MYH14: variants seen among roughly 807,000 people sequenced by gnomAD.
The protein encoded by MYH14 is myosin-14.
Under a neutral mutation model 255.5 loss-of-function variants are expected in MYH14, and 123 were observed. That is an observed-to-expected ratio of 0.48 (90% CI 0.42 to 0.56). MYH14 has a LOEUF of 0.56. MYH14 is among the 20% of genes least tolerant of loss of function. The probability of loss-of-function intolerance (pLI) is 0.00; values close to 1 mark genes in which losing one functional copy is unlikely to be tolerated. For missense variants in MYH14, 2,423 were observed against 2,802.3 expected (o/e 0.86, Z 3.06); for synonymous variants, 1,095 against 1,161.2 (o/e 0.94, Z 1.16).
Position 50,263,335 on chromosome 19 carries a change from AG to A in MYH14, c.2610del (p.Gln870HisfsTer5). On this transcript the variant is annotated frameshift_variant, in exon 22 of 43. Coordinates refer to ENST00000642316, the MANE Select transcript of MYH14 (RefSeq NM_001145809.2). LOFTEE classifies it high-confidence loss of function. ...AGGGCCTTCCAGAAGCGCCAGCAGC[AG>A]CAGAGCGCCCTGAGGGTGATGCAGC... Reference protein sequence around the residue: ...ARRAFQKRQQQQSALRVMQRN... With the variant: ...ARRAFQKRQQXQSALRVMQRN... 1 of 1,577,472 alleles carries A rather than the reference AG, an allele frequency of 6.3e-7. No individual in the cohort carries two copies. The highest frequency in any genetic ancestry group is 8.6e-7 in the Non-Finnish European group (1 of 1,161,578).
chr19:50,252,916 A>G lies in MYH14; in HGVS notation c.1945+163A>G, dbSNP rs888322442. 1.3e-5 allele frequency among the ~76,000 whole-genome samples: 2 copies of G among 152,224 alleles called. No individual in the cohort carries two copies. Among genetic ancestry groups the G allele is most frequent in the Non-Finnish European group, 2.9e-5 (2 of 68,036 alleles). The stretch of plus-strand genomic sequence containing the variant: ...AAATAGTATTTCAAATCAGTGATGG[A>G]TGGATCCATAGATTAATTGATTGAC... On this transcript the variant is annotated intron_variant, in intron 16 of 42. Transcript: ENST00000642316. The surrounding 1 kb of genome is among the most constrained non-coding windows in gnomAD (Gnocchi z 4.2).
chr19:50,309,327 G>C, intron 42 of MYH14, 150 bp downstream of exon 42: 1 of 776,848 alleles, frequency 1.3e-6, no homozygotes, highest in Non-Finnish European at 2.2e-6. Flanking sequence ...TGTTGCGGGA[G>C]AGCCAAATCC....
intron 40 of MYH14, 106 bp from the exon 41 acceptor site, chr19:50,306,943 G>T (rs1601077511): frequency 2.4e-6 from 2 of 825,848 alleles, no homozygotes; most frequent in Non-Finnish European, 4.0e-6. Flanking sequence ...AGGAAAGAGG[G>T]AAGAAGCCAA....
In MYH14 at chr19:50,309,206, G is replaced by A. The variant is rs373911272; in HGVS notation, c.5960+29G>A. ...TGGTCATCCCACGTACAGGCCTGACGGGTGGGGAGCACCCTAACTCCATAA... is the reference window on the plus strand; with the variant it reads ...TGGTCATCCCACGTACAGGCCTGACAGGTGGGGAGCACCCTAACTCCATAA... On this transcript the variant is annotated intron_variant, in intron 42 of 42. Transcript: ENST00000642316. 1.8e-5 allele frequency: 29 copies of A among 1,609,586 alleles called. No homozygotes were observed. In the African/African-American group the frequency reaches 2.4e-4, roughly 13 times the overall value.
In MYH14 at chr19:50,301,867, C is replaced by G. The variant is rs1225321687; in HGVS notation, c.5676C>G (p.Thr1892=). ...CTGAGGAGCAGCTAGAGCAAGAGACCAGGTAGGTGAGAGCGGAGGCCACAG... is the reference window on the plus strand; with the variant it reads ...CTGAGGAGCAGCTAGAGCAAGAGACGAGGTAGGTGAGAGCGGAGGCCACAG... ...AQAEEQLEQE[T]RERILSGKLV... Residue 1892 remains threonine (T), a splice_region_variant and synonymous_variant, in exon 40 of 43, where the codon ACC becomes ACG. Coordinates refer to ENST00000642316, the MANE Select transcript of MYH14 (RefSeq NM_001145809.2). 1 of 1,610,106 alleles carries G rather than the reference C, an allele frequency of 6.2e-7. No individual in the cohort carries two copies. Among genetic ancestry groups the G allele is most frequent in the South Asian group, 1.1e-5 (1 of 90,512 alleles).
chr19:50,303,512 C>A (rs1317580744), intron 40 of MYH14, among the ~76,000 whole-genome samples: 1 of 152,150 alleles, frequency 6.6e-6, no homozygotes, highest in South Asian at 2.1e-4. Flanking sequence ...GTCACTCAGC[C>A]CGCTCAGATT....
In MYH14 at chr19:50,255,310, C is replaced by T. The variant is rs1209167575; in HGVS notation, c.2036C>T (p.Pro679Leu). Reference protein sequence around the residue: ...SAERCSSAISPPGVEGIVGLE... With the variant: ...SAERCSSAISLPGVEGIVGLE... ...GAGAGGTGCAGCTCTGCTATTTCTC[C>T]GCCAGGGGGTGGGTGTCTCTGTGCA... Residue 679 changes from proline (P) to leucine (L), a missense_variant, in exon 17 of 43, where the codon CCG (proline) becomes CTG (leucine). Coordinates refer to ENST00000642316, the MANE Select transcript of MYH14 (RefSeq NM_001145809.2). 23 of 1,550,852 alleles carry T rather than the reference C, an allele frequency of 1.5e-5. No homozygotes were observed. The highest frequency in any genetic ancestry group is 1.7e-4 in the Middle Eastern group (1 of 5,992).
chr19:50,272,065 C>T, intron 26 of MYH14, 93 bp downstream of exon 26: 1 of 1,511,940 alleles, frequency 6.6e-7, no homozygotes, highest in Non-Finnish European at 9.0e-7. Context: ...GTGGCTGTGT[C>T]TGCTAAATGG....
chr19:50,224,204 C>T, intron 6 of MYH14, 27 bp downstream of exon 6: 1 of 1,613,934 alleles, frequency 6.2e-7, no homozygotes, highest in South Asian at 1.1e-5. Context: ...CACCTCGAGT[C>T]TTGCTGCCCC....
chr19:50,308,994 C>T lies in MYH14; in HGVS notation c.5788-11C>T, dbSNP rs989754392. ...CTGGAGATATAACCCAGTCCCCCTG[C>T]TTCCATCAAGCTGGAGAAGGGAAAC... On this transcript the variant is annotated splice_polypyrimidine_tract_variant and intron_variant, in intron 41 of 42. Coordinates refer to ENST00000642316, the MANE Select transcript of MYH14 (RefSeq NM_001145809.2). 5 of 1,604,630 alleles carry T rather than the reference C, an allele frequency of 3.1e-6. No homozygotes were observed. The highest frequency in any genetic ancestry group is 4.3e-6 in the Non-Finnish European group (5 of 1,175,200).
At chr19:50,270,839 C>A (rs1281829903) in intron 24 of MYH14, among the ~76,000 whole-genome samples, 1 of 151,962 alleles carries the variant, frequency 6.6e-6, no homozygotes, top group South Asian at 2.1e-4. Flanking sequence ...GGACTACAGG[C>A]ACCCGCCACC....
chr19:50,270,394 C>CTACCACTA (rs2035249643), intron 24 of MYH14, among the ~76,000 whole-genome samples: 1 of 151,614 alleles, frequency 6.6e-6, no homozygotes, highest in Non-Finnish European at 1.5e-5. Context: ...GTAGCGGGTG[C>CTACCACTA]CTGTAATCCC....
intron 16 of MYH14, among the ~76,000 whole-genome samples, chr19:50,253,571 C>T (rs975783107): frequency 6.6e-6 from 1 of 152,092 alleles, no homozygotes; most frequent in Non-Finnish European, 1.5e-5. Context: ...TCCCTTCACG[C>T]CCCCAGGGAA....
Position 50,225,666 on chromosome 19 carries a change from T to C in MYH14, c.799T>C (p.Ser267Pro), listed in dbSNP as rs1239138859. The change falls in exon 7 of 43, where the codon TCC (serine) becomes CCC (proline). Residue 267 changes from serine (S) to proline (P), a missense_variant. Physicochemically the swap from Ser to Pro is moderately conservative, Grantham distance 74. This residue lies in a region of MYH14 where 672 missense variants were observed against 881.8 expected (regional missense o/e 0.76). Transcript: ENST00000642316. ...TGCCAAGACAGTGAAGAATGACAAC[T>C]CCTCCCGATTCGTGAGTGCCAGGGG... Reference protein sequence around the residue: ...GNAKTVKNDNSSRFGKFIRIN... With the variant: ...GNAKTVKNDNPSRFGKFIRIN... 6.2e-7 allele frequency: 1 copy of C among 1,613,426 alleles called. No homozygotes were observed. The highest frequency in any genetic ancestry group is 2.2e-5 in the East Asian group (1 of 44,862).
At position 50,293,364 on chromosome 19, in the gene MYH14, A is replaced by G. The variant is rs1416272263; in HGVS notation, c.5345+43A>G. 7.7e-6 allele frequency: 12 copies of G among 1,550,644 alleles called. No individual in the cohort carries two copies. Among genetic ancestry groups the G allele is most frequent in the African/African-American group, 2.7e-5 (2 of 73,562 alleles). On this transcript the variant is annotated intron_variant, in intron 38 of 42. Transcript: ENST00000642316. This position sits in a 1 kb window ranked among gnomAD's most constrained non-coding sequence, Gnocchi z 4.1. ...CTGAAGGCTGAGGTACTGCGTCTGC[A>G]GGAGGTGAAGCTGGGGTAGGCTGGA...
intron 15 of MYH14, among the ~76,000 whole-genome samples, chr19:50,251,190 C>T (rs1445133119): frequency 6.6e-6 from 1 of 152,216 alleles, no homozygotes; most frequent in East Asian, 1.9e-4. Flanking sequence ...TATGCTCAAT[C>T]TCAAATCTCA....
intron 11 of MYH14, among the ~76,000 whole-genome samples, chr19:50,246,495 C>T (rs916610529): frequency 4.6e-5 from 7 of 152,060 alleles, no homozygotes; most frequent in Admixed American, 2.0e-4. Context: ...ATGGGCCAGG[C>T]ACCTGTAATC....
At chr19:50,207,915 G>T (rs1174869223) in intron 1 of MYH14, among the ~76,000 whole-genome samples, 1 of 151,934 alleles carries the variant, frequency 6.6e-6, no homozygotes, top group African/African-American at 2.4e-5. Flanking sequence ...CAGATGCATT[G>T]TGGCCCCAGG....
chr19:50,298,646 C>T (rs2036366909), intron 39 of MYH14, among the ~76,000 whole-genome samples: 1 of 150,504 alleles, frequency 6.6e-6, no homozygotes, highest in African/African-American at 2.5e-5. Flanking sequence ...AGCTACTCAG[C>T]AGGGTGAGGC....
Sources: allele counts gnomAD v4.1 joint callset (sites outside exome capture counted in the v4.1 genomes callset), GRCh38; gene constraint gnomAD v4.1.1; regional missense constraint gnomAD v4.1.1; non-coding constraint Gnocchi (gnomAD v3.1); transcripts MANE v1.5; gene names NCBI Gene and HGNC (gene_info 2026-07-23, HGNC 2026-07-21).